The following RYR2 variants were observed in gnomAD, a reference collection of about 807,000 sequenced individuals.
RYR2 encodes ryanodine receptor 2.
In RYR2, 227 loss-of-function variants were observed where a neutral mutation model predicts 601.1. The observed-to-expected ratio is 0.38, with a 90% CI of 0.34 to 0.42. RYR2 has a LOEUF of 0.42. Among genes scored for constraint, RYR2 ranks in the 10% least tolerant of loss-of-function variants. RYR2 has a pLI of 1.00. For missense variants in RYR2, 4,646 were observed against 6,156.5 expected, an observed-to-expected ratio of 0.75 and a Z score of 8.21; for synonymous variants, 2,223 against 2,175.1, an observed-to-expected ratio of 1.02 and a Z score of -0.61.
intron 2 of RYR2, among the ~76,000 whole-genome samples, chr1:237,304,681 A>G (rs1010154532): frequency 2.6e-5 from 4 of 152,200 alleles, no homozygotes; most frequent in African/African-American, 9.6e-5. Flanking sequence ...TTAATCTTAC[A>G]TATAGATAGA....
At position 237,087,069 on chromosome 1, in the gene RYR2, C is replaced by T. The variant is rs76073687; in HGVS notation, c.48+44500C>T. Among the ~76,000 whole-genome samples, 10 of 152,170 alleles carry T rather than the reference C, an allele frequency of 6.6e-5. No individual in the cohort carries two copies. In the South Asian group the frequency reaches 1.0e-3, roughly 16 times the overall value. On this transcript the variant is annotated intron_variant, in intron 1 of 104. Transcript: ENST00000366574. Reference sequence around the variant, plus strand: ...CCTTGAGAAAGCAATTCTCAGCACGCGCAAGTGAAAGGCAGGAGGACCCCT... The same window carrying T: ...CCTTGAGAAAGCAATTCTCAGCACGTGCAAGTGAAAGGCAGGAGGACCCCT...
intron 10 of RYR2, among the ~76,000 whole-genome samples, chr1:237,409,278 G>C (rs1274270223): frequency 6.6e-6 from 1 of 152,074 alleles, no homozygotes; most frequent in Non-Finnish European, 1.5e-5. Context: ...ATTGAGTATG[G>C]TGTTGGCTGT....
chr1:237,324,935 C>G (rs1696002770), intron 2 of RYR2, among the ~76,000 whole-genome samples: 1 of 152,166 alleles, frequency 6.6e-6, no homozygotes, highest in Non-Finnish European at 1.5e-5. Context: ...ACAGCCCAAC[C>G]AAAAGCAGAT....
At chr1:237,142,964 C>A (rs913305163) in intron 1 of RYR2, among the ~76,000 whole-genome samples, 2 of 152,108 alleles carry the variant, frequency 1.3e-5, no homozygotes, top group Non-Finnish European at 2.9e-5. Flanking sequence ...AACTGGCCGG[C>A]TCTCAATAGG....
At chr1:237,601,998 T>G in intron 34 of RYR2, 27 bp from the exon 35 acceptor site, 4 of 1,586,484 alleles carry the variant, frequency 2.5e-6, no homozygotes, top group Non-Finnish European at 3.5e-6. Flanking sequence ...ATTACTAACA[T>G]TATTAAATTC....
chr1:237,317,259 T>C (rs1695204963), intron 2 of RYR2, among the ~76,000 whole-genome samples: 1 of 152,224 alleles, frequency 6.6e-6, no homozygotes. Context: ...CAGAAGTGTC[T>C]TCACTTAATG....
chr1:237,047,078 A>G (rs1210538483), intron 1 of RYR2, among the ~76,000 whole-genome samples: 3 of 152,230 alleles, frequency 2.0e-5, no homozygotes, highest in African/African-American at 4.8e-5. Flanking sequence ...ACAAAAGCTC[A>G]GAAAGCCAAA....
At chr1:237,047,009 G>A (rs1256377593) in intron 1 of RYR2, among the ~76,000 whole-genome samples, 1 of 152,172 alleles carries the variant, frequency 6.6e-6, no homozygotes, top group Non-Finnish European at 1.5e-5. Flanking sequence ...GGTAGGAAGA[G>A]GCCTTTAGAA....
At chr1:237,182,108 T>TTTATTTAG (rs1678831526) in intron 1 of RYR2, among the ~76,000 whole-genome samples, 1 of 31,216 alleles carries the variant, frequency 3.2e-5, no homozygotes. Context: ...CTGGGGTTTA[T>TTTATTTAG]TTATTTATTT....
At chr1:237,620,723 T>C (rs1678983876) in intron 38 of RYR2, among the ~76,000 whole-genome samples, 1 of 151,998 alleles carries the variant, frequency 6.6e-6, no homozygotes, top group Non-Finnish European at 1.5e-5. Context: ...TAATGGTCAG[T>C]CCACCAAGAA....
At chr1:237,829,829 C>A (rs1414213965) in intron 102 of RYR2, among the ~76,000 whole-genome samples, 1 of 152,152 alleles carries the variant, frequency 6.6e-6, no homozygotes, top group Non-Finnish European at 1.5e-5. Flanking sequence ...TACATTGCTT[C>A]TCCTTGGGTT....
chr1:237,397,160 C>T (rs545364932), intron 10 of RYR2, among the ~76,000 whole-genome samples: 31 of 151,662 alleles, frequency 2.0e-4, no homozygotes, highest in African/African-American at 6.3e-4. Flanking sequence ...ATCGCTTGAA[C>T]GCAGGAGGTG....
intron 92 of RYR2, among the ~76,000 whole-genome samples, chr1:237,791,039 C>T (rs1658324024): frequency 6.6e-6 from 1 of 152,128 alleles, no homozygotes; most frequent in Non-Finnish European, 1.5e-5. Flanking sequence ...CTTTCTTTCC[C>T]CAAATATTTG....
intron 10 of RYR2, among the ~76,000 whole-genome samples, chr1:237,406,511 C>G (rs889282002): frequency 2.0e-5 from 3 of 151,670 alleles, no homozygotes; most frequent in African/African-American, 7.3e-5. Flanking sequence ...GCAACATTTA[C>G]ACATACACAT....
In RYR2 at chr1:237,186,947, G is replaced by A. The variant is rs543131712; in HGVS notation, c.49-83550G>A. ...GCCGGCCTTGAGCTCCTTCCACTGC[G>A]GCTTTTTGAGGAGGAGACACATGCC... On this transcript the variant is annotated intron_variant, in intron 1 of 104. Transcript: ENST00000366574. Among the ~76,000 whole-genome samples the A allele has an allele frequency of 3.8e-3, 573 of 152,272 alleles. 6 individuals are homozygous for A. Among genetic ancestry groups the A allele is most frequent in the African/African-American group, 0.013 (543 of 41,558 alleles).
At chr1:237,157,613 GT>G (rs1675546865) in intron 1 of RYR2, among the ~76,000 whole-genome samples, 1 of 152,194 alleles carries the variant, frequency 6.6e-6, no homozygotes, top group Non-Finnish European at 1.5e-5. Context: ...AGGTCATTAT[GT>G]TAAGTGAAAG....
chr1:237,359,909 G>A (rs559167150), intron 4 of RYR2, among the ~76,000 whole-genome samples: 10 of 152,264 alleles, frequency 6.6e-5, no homozygotes, highest in Admixed American at 6.5e-4. Context: ...TAGGAATCAG[G>A]TCATGAGTGG....
In RYR2 at chr1:237,467,240, G is replaced by T. The variant is rs549434640; in HGVS notation, c.1613-1852G>T. 1.6e-3 allele frequency among the ~76,000 whole-genome samples: 230 copies of T among 147,620 alleles called. 3 individuals are homozygous for T. Among genetic ancestry groups the T allele is most frequent in the African/African-American group, 5.4e-3 (219 of 40,716 alleles). ...AATAGTTTATATATAATTTTAGATA[G>T]CTATATATAATTATATATTATATAT... On this transcript the variant is annotated intron_variant, in intron 16 of 104. Coordinates refer to ENST00000366574, the MANE Select transcript of RYR2 (RefSeq NM_001035.3).
At chr1:237,617,573 C>T (rs1474896675) in intron 38 of RYR2, 87 bp downstream of exon 38, 19 of 1,226,392 alleles carry the variant, frequency 1.5e-5, no homozygotes, top group African/African-American at 3.0e-5. Context: ...ATAACTCACA[C>T]GTCTTGTTTT....
Sources: gnomAD v4.1 joint callset for allele counts (sites outside exome capture counted in the v4.1 genomes callset) on GRCh38, gnomAD v4.1.1 for gene constraint, MANE v1.5 for transcripts, NCBI Gene and HGNC (gene_info 2026-07-23, HGNC 2026-07-21) for gene names.